FGF14: variants seen among roughly 807,000 people sequenced by gnomAD.
The protein encoded by FGF14 is fibroblast growth factor homologous factor 4.
In FGF14, 5 loss-of-function variants were observed where a neutral mutation model predicts 25.5. That is an observed-to-expected ratio of 0.20 (90% confidence interval 0.10 to 0.41). The LOEUF (loss-of-function observed/expected upper bound fraction) is 0.41, where lower values mean the gene tolerates loss of function less well. FGF14 is among the 10% of genes least tolerant of loss of function. The probability of loss-of-function intolerance (pLI) is 1.00; values close to 1 mark genes in which losing one functional copy is unlikely to be tolerated. For synonymous variants in FGF14, 138 were observed against 118.3 expected (o/e 1.17, Z -1.08); for missense variants, 222 against 320.1 (o/e 0.69, Z 2.34).
chr13:102,265,008 C>T (rs568608949), intron 1 of FGF14, among the ~76,000 whole-genome samples: 1 of 152,078 alleles, frequency 6.6e-6, no homozygotes, highest in African/African-American at 2.4e-5. Flanking sequence ...GAAACACAGT[C>T]CTTCACCCCA....
chr13:101,736,500 C>T (rs1158470372), intron 3 of FGF14, among the ~76,000 whole-genome samples: 1 of 152,042 alleles, frequency 6.6e-6, no homozygotes, highest in East Asian at 1.9e-4. Context: ...TTTTACGTTT[C>T]CTATTAATTG....
chr13:102,010,570 C>G (rs2040026672), intron 1 of FGF14, among the ~76,000 whole-genome samples: 1 of 152,080 alleles, frequency 6.6e-6, no homozygotes, highest in Admixed American at 6.5e-5. Flanking sequence ...ATGCTGAACA[C>G]AATCCTAGGG....
chr13:101,755,499 C>CA (rs952942172), intron 3 of FGF14, among the ~76,000 whole-genome samples: 18 of 151,196 alleles, frequency 1.2e-4, no homozygotes, highest in South Asian at 4.2e-4. Flanking sequence ...CCGTCTCTTC[C>CA]AAAAAAAATG....
intron 1 of FGF14, among the ~76,000 whole-genome samples, chr13:102,189,789 G>A (rs2049052302): frequency 6.6e-6 from 1 of 152,130 alleles, no homozygotes; most frequent in African/African-American, 2.4e-5. Flanking sequence ...GAGGCCTCAG[G>A]AAGCTTACAA....
chr13:102,367,657 G>A (rs1332977007), intron 1 of FGF14: 1 of 152,150 alleles, frequency 6.6e-6, no homozygotes, highest in Non-Finnish European at 1.5e-5. Flanking sequence ...ATGGAGTAGA[G>A]GGCAAAAAAA....
upstream of FGF14, among the ~76,000 whole-genome samples, chr13:101,921,563 T>A (rs1454558171): frequency 3.3e-5 from 5 of 152,208 alleles, no homozygotes. Flanking sequence ...ATCCAAGATA[T>A]CACTCTCACC....
intron 3 of FGF14, among the ~76,000 whole-genome samples, chr13:101,823,654 C>T (rs917804477): frequency 2.7e-5 from 4 of 150,528 alleles, no homozygotes; most frequent in African/African-American, 9.7e-5. Flanking sequence ...TCAGGCTGGT[C>T]TCGAACTCCC....
intron 1 of FGF14, among the ~76,000 whole-genome samples, chr13:102,352,214 CCAAA>C (rs2057299869): frequency 6.9e-6 from 1 of 144,854 alleles, no homozygotes; most frequent in Non-Finnish European, 1.5e-5. Flanking sequence ...TATAAAATAC[CCAAA>C]CAACCACAAT....
chr13:102,062,990 T>G (rs796566334), intron 1 of FGF14, among the ~76,000 whole-genome samples: 3 of 152,342 alleles, frequency 2.0e-5, no homozygotes, highest in South Asian at 4.1e-4. Context: ...CTAAGAAGAA[T>G]TTGGGAAATT....
chr13:101,785,205 A>G (rs1431082631), intron 3 of FGF14, among the ~76,000 whole-genome samples: 1 of 151,988 alleles, frequency 6.6e-6, no homozygotes, highest in African/African-American at 2.4e-5. Context: ...TTTAAAAATT[A>G]TATATAGATA....
chr13:101,814,853 A>G (rs1313117633), intron 3 of FGF14, among the ~76,000 whole-genome samples: 4 of 152,216 alleles, frequency 2.6e-5, no homozygotes, highest in Non-Finnish European at 5.9e-5. Flanking sequence ...TAGAGCCATA[A>G]ACATTTTCAT....
intron 1 of FGF14, among the ~76,000 whole-genome samples, chr13:102,175,981 A>C (rs1352919873): frequency 6.6e-6 from 1 of 152,176 alleles, no homozygotes; most frequent in East Asian, 1.9e-4. Context: ...AATGTAAATT[A>C]GTACAACCCC....
intron 1 of FGF14, among the ~76,000 whole-genome samples, chr13:102,380,431 A>G (rs893564584): frequency 6.6e-6 from 1 of 152,146 alleles, no homozygotes; most frequent in African/African-American, 2.4e-5. Flanking sequence ...TTTGCTATCT[A>G]GTTAACTCCC....
At chr13:102,122,359 C>G (rs148288523) in intron 1 of FGF14, among the ~76,000 whole-genome samples, 1 of 152,182 alleles carries the variant, frequency 6.6e-6, no homozygotes, top group Non-Finnish European at 1.5e-5. Flanking sequence ...CATCCCTCCA[C>G]TCCACCTCTG....
chr13:102,015,065 G>A (rs922256740), intron 1 of FGF14, among the ~76,000 whole-genome samples: 18 of 152,188 alleles, frequency 1.2e-4, no homozygotes, highest in South Asian at 4.1e-4. Flanking sequence ...GTGCCACAAC[G>A]CCTGGCTAAT....
At chr13:102,041,319 GT>G (rs1281628369) in intron 1 of FGF14, among the ~76,000 whole-genome samples, 5 of 151,984 alleles carry the variant, frequency 3.3e-5, no homozygotes, top group African/African-American at 1.2e-4. Flanking sequence ...ATGTTGTAAA[GT>G]TATAGAATAA....
At chr13:102,269,501 G>A (rs985654988) in intron 1 of FGF14, among the ~76,000 whole-genome samples, 1 of 152,094 alleles carries the variant, frequency 6.6e-6, no homozygotes, top group East Asian at 1.9e-4. Context: ...GAATTTCTGA[G>A]GCATTAAATT....
chr13:102,096,247 T>A (rs1008906913), intron 1 of FGF14, among the ~76,000 whole-genome samples: 5 of 151,960 alleles, frequency 3.3e-5, no homozygotes, highest in African/African-American at 1.2e-4. Flanking sequence ...AAATTATAAA[T>A]GCTGATGATG....
intron 1 of FGF14, among the ~76,000 whole-genome samples, chr13:102,217,124 G>A (rs1420705971): frequency 2.0e-5 from 3 of 152,140 alleles, no homozygotes; most frequent in African/African-American, 4.8e-5. Flanking sequence ...CAGGAGTGCA[G>A]GTATCTTTTT....
Sources: gnomAD v4.1 joint callset for allele counts (sites outside exome capture counted in the v4.1 genomes callset) on GRCh38, gnomAD v4.1.1 for gene constraint, MANE v1.5 for transcripts, NCBI Gene and HGNC (gene_info 2026-07-23, HGNC 2026-07-21) for gene names.